PTPRG: variants seen among roughly 807,000 people sequenced by gnomAD.
PTPRG encodes protein tyrosine phosphatase receptor type G.
Under a neutral mutation model 165.3 loss-of-function variants are expected in PTPRG, and 102 were observed. That is an observed-to-expected ratio of 0.62 (90% CI 0.53 to 0.73). PTPRG has a LOEUF of 0.73. Among genes scored for constraint, PTPRG ranks in the 30% least tolerant of loss-of-function variants. The probability of loss-of-function intolerance (pLI) is 0.00; values close to 1 mark genes in which losing one functional copy is unlikely to be tolerated. For missense variants in PTPRG, 1,866 were observed against 1,861.4 expected, an observed-to-expected ratio of 1.00 and a Z score of -0.05; for synonymous variants, 675 against 669.5, an observed-to-expected ratio of 1.01 and a Z score of -0.13.
intron 1 of PTPRG, among the ~76,000 whole-genome samples, chr3:61,562,958 G>A (rs1244058851): frequency 1.3e-5 from 2 of 152,170 alleles, no homozygotes; most frequent in Admixed American, 6.5e-5. Flanking sequence ...CCCTCTCTCT[G>A]GGGGCTGGGG....
rs574971383 is a variant in PTPRG, at chr3:61,728,063, C to A, written c.86-20815C>A. ...GTCCCATTTCCATCTCCATGTCTTTCTTTCATCTTGTTAGAGTGCATTTAT... is the reference window on the plus strand; with the variant it reads ...GTCCCATTTCCATCTCCATGTCTTTATTTCATCTTGTTAGAGTGCATTTAT... On this transcript the variant is annotated intron_variant, in intron 1 of 29. Coordinates refer to ENST00000474889, the MANE Select transcript of PTPRG (RefSeq NM_002841.4). Among the ~76,000 whole-genome samples the A allele has an allele frequency of 2.2e-4, 34 of 152,306 alleles. 1 individual carries two copies. The highest frequency in any genetic ancestry group is 9.1e-4 in the Admixed American group (14 of 15,310).
At chr3:61,703,059 A>G (rs1459212218) in intron 1 of PTPRG, among the ~76,000 whole-genome samples, 1 of 152,150 alleles carries the variant, frequency 6.6e-6, no homozygotes. Context: ...TTGATTCTCT[A>G]TAGGCAGAGC....
At chr3:61,729,554 G>C (rs1331453758) in intron 1 of PTPRG, among the ~76,000 whole-genome samples, 1 of 152,136 alleles carries the variant, frequency 6.6e-6, no homozygotes. Context: ...CAAGGGAGTA[G>C]CTTTGGGCAA....
intron 1 of PTPRG, among the ~76,000 whole-genome samples, chr3:61,745,838 T>C (rs2106901404): frequency 6.6e-6 from 1 of 152,258 alleles, no homozygotes; most frequent in Admixed American, 6.5e-5. Flanking sequence ...TGGAGAAATT[T>C]ATGACCAGGA....
At chr3:62,118,070 C>T (rs191558354) in intron 5 of PTPRG, among the ~76,000 whole-genome samples, 17 of 152,262 alleles carry the variant, frequency 1.1e-4, no homozygotes, top group African/African-American at 4.1e-4. Flanking sequence ...GAAAGTACAG[C>T]CCTAAGAGGG....
intron 16 of PTPRG, among the ~76,000 whole-genome samples, chr3:62,257,629 G>C (rs994427325): frequency 6.6e-6 from 1 of 152,088 alleles, no homozygotes; most frequent in Non-Finnish European, 1.5e-5. Flanking sequence ...AACCCACATG[G>C]TTCACCTTGA....
chr3:62,121,110 ATT>A (rs67168345), intron 5 of PTPRG, among the ~76,000 whole-genome samples: 382 of 141,520 alleles, frequency 2.7e-3, no homozygotes, highest in Middle Eastern at 0.015. Context: ...AGCCTGGCTA[ATT>A]TTTTTTTTTT....
intron 2 of PTPRG, among the ~76,000 whole-genome samples, chr3:61,926,467 C>T (rs1288823131): frequency 2.0e-5 from 3 of 152,058 alleles, no homozygotes; most frequent in East Asian, 1.9e-4. Flanking sequence ...CTGAGGCCTT[C>T]CCAGAAGCCA....
chr3:61,562,128 T>A lies in PTPRG; in HGVS notation c.-160T>A. On this transcript the variant is annotated 5_prime_UTR_variant, in exon 1 of 30. Transcript: ENST00000474889. The stretch of plus-strand genomic sequence containing the variant: ...GATTTTCCGGGGGGCGCTCGGCGGC[T>A]TCCCGGATTCCAAGGGGACTCGGGC... 1 of 470,622 alleles carries A rather than the reference T, an allele frequency of 2.1e-6. No homozygotes were observed. Among genetic ancestry groups the A allele is most frequent in the Non-Finnish European group, 3.9e-6 (1 of 256,980 alleles). The allele number at this position is 470,622 out of a possible 1,614,324, so 29.2% of individuals were successfully genotyped here. A position where few individuals can be genotyped will look rare whatever the true frequency, so the allele number is the denominator to read the frequency against.
chr3:62,165,103 A>C (rs1307916578), intron 7 of PTPRG, among the ~76,000 whole-genome samples: 1 of 152,192 alleles, frequency 6.6e-6, no homozygotes, highest in African/African-American at 2.4e-5. Flanking sequence ...TCTTCTCTGG[A>C]CATGGAGAAG....
rs145771308 is a variant in PTPRG at position 62,141,212 on chromosome 3, T to C, written c.682+8544T>C. Among the ~76,000 whole-genome samples, 739 of 152,276 alleles carry C rather than the reference T, an allele frequency of 4.9e-3. 4 individuals carry two copies. The highest frequency in any genetic ancestry group is 0.013 in the Admixed American group (195 of 15,292). ...GTTGTTGGTAAGGAGATAACTGATATGATCACTCTTTAGAAAATAGTTTGG... is the reference window on the plus strand; with the variant it reads ...GTTGTTGGTAAGGAGATAACTGATACGATCACTCTTTAGAAAATAGTTTGG... On this transcript the variant is annotated intron_variant, in intron 6 of 29. Transcript: ENST00000474889.
chr3:62,025,187 A>G (rs2041778828), intron 4 of PTPRG, among the ~76,000 whole-genome samples: 1 of 152,166 alleles, frequency 6.6e-6, no homozygotes, highest in South Asian at 2.1e-4. Flanking sequence ...AGCTGTCACT[A>G]CCCACCTCAG....
In PTPRG at chr3:61,789,574, C is replaced by T. The variant is rs368449084; in HGVS notation, c.190+40592C>T. ...GCTGGAACAATGAGGACAAAAATAA[C>T]GTATTCCTCCCTCATGGGACTTTTC... is the stretch of plus-strand genomic sequence containing the variant. On this transcript the variant is annotated intron_variant, in intron 2 of 29. Transcript: ENST00000474889. Among the ~76,000 whole-genome samples the T allele has an allele frequency of 3.3e-5, 5 of 152,314 alleles. No individual in the cohort carries two copies. In the South Asian group the frequency reaches 8.3e-4, roughly 25 times the overall value.
At chr3:61,913,805 G>A (rs1342465246) in intron 2 of PTPRG, among the ~76,000 whole-genome samples, 1 of 152,162 alleles carries the variant, frequency 6.6e-6, no homozygotes, top group Admixed American at 6.5e-5. Context: ...AACATACTTG[G>A]TTATGTGACT....
At position 62,213,605 on chromosome 3, in the gene PTPRG, G is replaced by A. The variant is rs1700419813; in HGVS notation, c.2156-5246G>A. On this transcript the variant is annotated intron_variant, in intron 12 of 29. Transcript: ENST00000474889. The surrounding 1 kb of genome is among the most constrained non-coding windows in gnomAD (Gnocchi z 4.4). ...TTACCCAAAGCCACACAGCTGGAAA[G>A]GCCTAAGTCAAAATTTGTACTCAGG... Among the ~76,000 whole-genome samples the A allele has an allele frequency of 2.0e-5, 3 of 152,074 alleles. No homozygotes were observed. The highest frequency in any genetic ancestry group is 3.9e-4 in the East Asian group (2 of 5,176).
At chr3:62,282,504 C>A (rs976177699) in intron 27 of PTPRG, among the ~76,000 whole-genome samples, 1 of 149,994 alleles carries the variant, frequency 6.7e-6, no homozygotes, top group Non-Finnish European at 1.5e-5. Context: ...TACTGAATTA[C>A]AGGCATGAAC....
chr3:61,680,528 A>G (rs953720935), intron 1 of PTPRG, among the ~76,000 whole-genome samples: 1 of 150,156 alleles, frequency 6.7e-6, no homozygotes, highest in African/African-American at 2.4e-5. Flanking sequence ...ACACAAAAAA[A>G]CAGCATGGGA....
intron 28 of PTPRG, among the ~76,000 whole-genome samples, chr3:62,284,776 C>A (rs777710680): frequency 6.6e-6 from 1 of 152,134 alleles, no homozygotes; most frequent in Non-Finnish European, 1.5e-5. Flanking sequence ...GAGTCTCCCT[C>A]ACCTCCAAGT....
intron 4 of PTPRG, among the ~76,000 whole-genome samples, chr3:62,065,602 A>G (rs936632836): frequency 6.6e-6 from 1 of 152,330 alleles, no homozygotes; most frequent in South Asian, 2.1e-4. Flanking sequence ...AATAATAAAA[A>G]ATCCCGGTGG....
Sources: allele counts gnomAD v4.1 joint callset (sites outside exome capture counted in the v4.1 genomes callset), GRCh38; gene constraint gnomAD v4.1.1; non-coding constraint Gnocchi (gnomAD v3.1); transcripts MANE v1.5; gene names NCBI Gene and HGNC (gene_info 2026-07-23, HGNC 2026-07-21).